ADARB2: variants seen among roughly 807,000 people sequenced by gnomAD.
The protein encoded by ADARB2 is inactive double-stranded RNA-specific editase B2.
Under a neutral mutation model 62.2 loss-of-function variants are expected in ADARB2, and 25 were observed. The observed-to-expected ratio is 0.40, with a 90% confidence interval of 0.29 to 0.56. ADARB2 has a LOEUF of 0.56. ADARB2 is among the 20% of genes least tolerant of loss of function. The pLI is 0.43. For synonymous variants in ADARB2, 572 were observed against 500.8 expected (o/e 1.14, Z -1.90); for missense variants, 1,071 against 1,077.4 (o/e 0.99, Z 0.08).
At chr10:1,360,747 C>T (rs974988465) in intron 3 of ADARB2, among the ~76,000 whole-genome samples, 2 of 152,206 alleles carry the variant, frequency 1.3e-5, no homozygotes, top group Non-Finnish European at 2.9e-5. Flanking sequence ...GCTCTGCGCC[C>T]TTCGTCATCC....
chr10:1,302,467 G>A (rs1322150672), intron 3 of ADARB2, among the ~76,000 whole-genome samples: 1 of 152,226 alleles, frequency 6.6e-6, no homozygotes. Context: ...GCCCACCATT[G>A]GCCAGGCTTG....
At chr10:1,377,256 GTGTT>G (rs147591125) in intron 2 of ADARB2, among the ~76,000 whole-genome samples, 6,275 of 139,740 alleles carry the variant, frequency 0.045, 649 homozygotes, top group African/African-American at 0.17. Flanking sequence ...TGGGGTGTGT[GTGTT>G]TGTGTGTGCC....
chr10:1,664,801 C>T (rs562562547), intron 1 of ADARB2, among the ~76,000 whole-genome samples: 11 of 152,164 alleles, frequency 7.2e-5, no homozygotes, highest in East Asian at 1.9e-4. Context: ...CAGCCTAGGG[C>T]GCTGTGTGCT....
intron 1 of ADARB2, among the ~76,000 whole-genome samples, chr10:1,658,915 G>A (rs1834207015): frequency 6.6e-6 from 1 of 152,226 alleles, no homozygotes; most frequent in South Asian, 2.1e-4. Context: ...CATGAAGCCA[G>A]CCAAGTGGGG....
intron 1 of ADARB2, among the ~76,000 whole-genome samples, chr10:1,557,215 C>T (rs1211579634): frequency 7.8e-6 from 1 of 128,572 alleles, no homozygotes; most frequent in East Asian, 2.6e-4. Flanking sequence ...GTCCATGGTG[C>T]CCCCATCTTT....
chr10:1,612,064 C>G (rs1165687898), intron 1 of ADARB2, among the ~76,000 whole-genome samples: 1 of 152,146 alleles, frequency 6.6e-6, no homozygotes, highest in Non-Finnish European at 1.5e-5. Context: ...TCGGGCCGAC[C>G]AGGGAGATTG....
At chr10:1,213,531 C>T (rs924111946) in intron 7 of ADARB2, among the ~76,000 whole-genome samples, 43 of 152,312 alleles carry the variant, frequency 2.8e-4, no homozygotes, top group African/African-American at 1.0e-3. Context: ...CCTGTCCTGT[C>T]ACCAGACTCG....
Position 1,487,259 on chromosome 10 carries a change from T to C in ADARB2, c.101-108099A>G, listed in dbSNP as rs888264283. 3.9e-5 allele frequency among the ~76,000 whole-genome samples: 6 copies of C among 152,278 alleles called. No individual in the cohort carries two copies. The South Asian group carries it at 6.2e-4, about 16-fold the overall frequency. ...GGTGATTCTGATGCAGCATTAGGGTTGGGAACCCCAGTAACATTTAAATTA... is the reference window on the plus strand; with the variant it reads ...GGTGATTCTGATGCAGCATTAGGGTCGGGAACCCCAGTAACATTTAAATTA... On this transcript the variant is annotated intron_variant, in intron 1 of 9. Transcript: ENST00000381312.
At chr10:1,528,820 A>G (rs1832181817) in intron 1 of ADARB2, among the ~76,000 whole-genome samples, 1 of 152,196 alleles carries the variant, frequency 6.6e-6, no homozygotes, top group African/African-American at 2.4e-5. Flanking sequence ...CACCAGCAGA[A>G]TGTGTGGAAT....
intron 1 of ADARB2, among the ~76,000 whole-genome samples, chr10:1,405,134 C>T (rs930127000): frequency 5.3e-5 from 8 of 152,164 alleles, no homozygotes; most frequent in East Asian, 3.9e-4. Context: ...GCAGAGGTAA[C>T]GCTGCCCAGG....
At chr10:1,514,342 G>A (rs189071476) in intron 1 of ADARB2, among the ~76,000 whole-genome samples, 123 of 151,572 alleles carry the variant, frequency 8.1e-4, no homozygotes, top group African/African-American at 2.9e-3. Context: ...CACTTCCACG[G>A]CCCTCAATTT....
intron 8 of ADARB2, among the ~76,000 whole-genome samples, chr10:1,191,826 A>G (rs2131737516): frequency 6.6e-6 from 1 of 152,302 alleles, no homozygotes; most frequent in East Asian, 1.9e-4. Context: ...AAACACACAC[A>G]ATCGTGTTAA....
chr10:1,641,429 G>A (rs184264680), intron 1 of ADARB2, among the ~76,000 whole-genome samples: 12 of 152,278 alleles, frequency 7.9e-5, no homozygotes, highest in African/African-American at 2.9e-4. Flanking sequence ...AAACCACATA[G>A]GCTGTTGTTT....
chr10:1,342,315 T>C (rs56203444), intron 3 of ADARB2, among the ~76,000 whole-genome samples: 3,671 of 152,250 alleles, frequency 0.024, 79 homozygotes, highest in Non-Finnish European at 0.038. Flanking sequence ...AACACACACA[T>C]GGCCCCACAG....
At chr10:1,408,874 C>T (rs987513261) in intron 1 of ADARB2, among the ~76,000 whole-genome samples, 1 of 152,198 alleles carries the variant, frequency 6.6e-6, no homozygotes, top group African/African-American at 2.4e-5. Flanking sequence ...TGGGACCCAA[C>T]GCCTGCTGCA....
At chr10:1,525,799 G>C (rs1832132841) in intron 1 of ADARB2, among the ~76,000 whole-genome samples, 2 of 151,956 alleles carry the variant, frequency 1.3e-5, no homozygotes, top group Non-Finnish European at 1.5e-5. Flanking sequence ...GTGTGTATGT[G>C]CGTATGTGAG....
intron 1 of ADARB2, among the ~76,000 whole-genome samples, chr10:1,635,660 T>C (rs1833910048): frequency 6.6e-6 from 1 of 152,166 alleles, no homozygotes; most frequent in South Asian, 2.1e-4. Flanking sequence ...CTCCCTTCCC[T>C]CCCTGTGAAC....
intron 1 of ADARB2, among the ~76,000 whole-genome samples, chr10:1,684,440 A>C (rs1388132844): frequency 6.6e-6 from 1 of 152,220 alleles, no homozygotes; most frequent in Non-Finnish European, 1.5e-5. Flanking sequence ...ACACACACAC[A>C]TATATATTCT....
intron 3 of ADARB2, among the ~76,000 whole-genome samples, chr10:1,355,427 C>T (rs974934816): frequency 3.9e-5 from 6 of 152,166 alleles, no homozygotes; most frequent in Admixed American, 6.5e-5. Flanking sequence ...CTCAGGTCTC[C>T]GGAAACTCAA....
Sources: gnomAD v4.1 joint callset for allele counts (sites outside exome capture counted in the v4.1 genomes callset) on GRCh38, gnomAD v4.1.1 for gene constraint, MANE v1.5 for transcripts, NCBI Gene and HGNC (gene_info 2026-07-23, HGNC 2026-07-21) for gene names.